The following CCR6 variants were observed in gnomAD, a reference collection of about 807,000 sequenced individuals.
The protein encoded by CCR6 is C-C chemokine receptor type 6.
In CCR6, 2 loss-of-function variants were observed where a neutral mutation model predicts 3.0. The ratio of observed to expected loss-of-function variants is 0.66; its 90% confidence interval spans 0.27 to 2.07. The LOEUF is 2.07. Ranked by LOEUF, CCR6 falls within the 30% of genes most tolerant of loss-of-function variation. CCR6 has a pLI of 0.14. For synonymous variants in CCR6, 193 were observed against 184.3 expected (o/e 1.05, Z -0.38); for missense variants, 322 against 462.8 (o/e 0.70, Z 2.79).
chr6:167,122,000 A>G (rs1303533082), upstream of CCR6, among the ~76,000 whole-genome samples: 7 of 152,162 alleles, frequency 4.6e-5, no homozygotes, highest in East Asian at 7.7e-4. Context: ...TGCTGTGTCT[A>G]GCTGGTTCCC....
rs745373623 is a variant in CCR6 at position 167,137,220 on chromosome 6, C to T, written c.990C>T (p.Ile330=). ...GQKFRNYFLK[I]LKDLWCVRRK... ...AGTTCAGAAACTACTTTCTGAAGAT[C>T]TTGAAGGACCTGTGGTGTGTGAGAA... is the stretch of plus-strand genomic sequence containing the variant. The change falls in exon 3 of 3, where the codon ATC becomes ATT. Residue 330 remains isoleucine (I), a synonymous_variant. Transcript: ENST00000341935. The surrounding 1 kb of genome is among the most constrained non-coding windows in gnomAD (Gnocchi z 4.6). The T allele has an allele frequency of 6.2e-7, 1 of 1,614,188 alleles. No homozygotes were observed. Among genetic ancestry groups the T allele is most frequent in the Non-Finnish European group, 8.5e-7 (1 of 1,180,030 alleles).
chr6:167,132,439 G>A (rs1781783222), intron 1 of CCR6, among the ~76,000 whole-genome samples: 1 of 152,162 alleles, frequency 6.6e-6, no homozygotes, highest in South Asian at 2.1e-4. Context: ...CCAACAAAGT[G>A]TGAGAGCCCC....
chr6:167,130,969 T>C (rs1322327810), intron 1 of CCR6, among the ~76,000 whole-genome samples: 3 of 96,600 alleles, frequency 3.1e-5, no homozygotes, highest in Non-Finnish European at 6.9e-5. Context: ...CTCCTCCCTC[T>C]GGGACCACCC....
At chr6:167,131,012 CTTCTGGGACCCCCATCCCTCTGGACCCCT>C in intron 1 of CCR6, among the ~76,000 whole-genome samples, 1 of 139,478 alleles carries the variant, frequency 7.2e-6, no homozygotes, top group East Asian at 2.2e-4. Context: ...GGGACCCCTC[CTTCTGGGACCCCCATCCCTCTGGACCCCT>C]TCTCTCTGGG....
intron 1 of CCR6, among the ~76,000 whole-genome samples, chr6:167,134,200 CA>C (rs1194000482): frequency 6.6e-6 from 1 of 152,032 alleles, no homozygotes; most frequent in African/African-American, 2.4e-5. Context: ...TTTAATGCAG[CA>C]GGGTGCCTTT....
upstream of CCR6, among the ~76,000 whole-genome samples, chr6:167,122,058 C>T (rs534247359): frequency 6.6e-6 from 1 of 152,106 alleles, no homozygotes; most frequent in Non-Finnish European, 1.5e-5. The surrounding 1 kb of genome is among the most constrained non-coding windows in gnomAD (Gnocchi z 4.2). Context: ...CTCACTCAGG[C>T]GTGAGGACGT....
intron 1 of CCR6, among the ~76,000 whole-genome samples, chr6:167,132,304 C>T (rs2114932602): frequency 6.7e-6 from 1 of 149,994 alleles, no homozygotes; most frequent in East Asian, 1.9e-4. Flanking sequence ...CAGTGTTAAT[C>T]CTCCCATGTC....
intron 1 of CCR6, chr6:167,114,982 A>G (rs1316980396): frequency 1.3e-5 from 2 of 152,278 alleles, no homozygotes; most frequent in Non-Finnish European, 2.9e-5. Context: ...TCTGGTAGAC[A>G]AACAGATGTT....
intron 1 of CCR6, among the ~76,000 whole-genome samples, chr6:167,112,890 G>A (rs971827101): frequency 4.6e-5 from 7 of 152,160 alleles, no homozygotes; most frequent in African/African-American, 1.7e-4. Context: ...ATGCTGCAAT[G>A]CATCAGAAGG....
At position 167,138,687 on chromosome 6, in the gene CCR6, T is replaced by C. The variant is rs1781887493; in HGVS notation, c.*1332T>C. The C allele has an allele frequency of 6.6e-6, 1 of 152,314 alleles. No homozygotes were observed. The highest frequency in any genetic ancestry group is 2.1e-4 in the South Asian group (1 of 4,834). 9.4% of individuals were successfully genotyped at this position (152,314 alleles called of 1,614,324 possible). On this transcript the variant is annotated 3_prime_UTR_variant, in exon 3 of 3. Coordinates refer to ENST00000341935, the MANE Select transcript of CCR6 (RefSeq NM_031409.4). The stretch of plus-strand genomic sequence containing the variant: ...GCTCACACCTGTAATCCCAGCATTT[T>C]GGGAAGCTAAGATGGGTGGATCACT...
intron 1 of CCR6, among the ~76,000 whole-genome samples, chr6:167,113,763 G>A (rs1397359320): frequency 6.6e-6 from 1 of 152,226 alleles, no homozygotes; most frequent in African/African-American, 2.4e-5. Flanking sequence ...GGACATTGCT[G>A]TGTTGCTGAG....
chr6:167,130,990 C>CT lies in CCR6; in HGVS notation c.-97-5048_-97-5047insT, dbSNP rs1562559664. Among the ~76,000 whole-genome samples, 5 of 109,358 alleles carry CT rather than the reference C, an allele frequency of 4.6e-5. No individual in the cohort carries two copies. In the East Asian group the frequency reaches 7.7e-4, roughly 17 times the overall value. 71.7% of individuals were successfully genotyped at this position (109,358 alleles called of 152,430 possible). ...CCTCTGGGACCACCCTCCCTCTGGACCCCCTCCCTTTGGGACCCCTCCTTC... is the reference window on the plus strand; with the variant it reads ...CCTCTGGGACCACCCTCCCTCTGGACTCCCCTCCCTTTGGGACCCCTCCTTC... On this transcript the variant is annotated intron_variant, in intron 1 of 2. Coordinates refer to ENST00000341935, the MANE Select transcript of CCR6 (RefSeq NM_031409.4).
At chr6:167,135,722 G>C (rs1198934666) in intron 1 of CCR6, among the ~76,000 whole-genome samples, 2 of 152,150 alleles carry the variant, frequency 1.3e-5, no homozygotes, top group African/African-American at 2.4e-5. Flanking sequence ...TAGATCAAGG[G>C]TTGGCAAATT....
chr6:167,136,516 G>C lies in CCR6; in HGVS notation c.286G>C (p.Val96Leu). 1.3e-6 allele frequency: 2 copies of C among 1,590,288 alleles called. No individual in the cohort carries two copies. Among genetic ancestry groups the C allele is most frequent in the African/African-American group, 1.3e-5 (1 of 74,560 alleles). The change falls in exon 3 of 3, where the codon GTT (valine) becomes CTT (leucine). Residue 96 changes from valine to leucine, a missense_variant. By Grantham distance (32) the Val-to-Leu change is conservative. Transcript: ENST00000341935. The surrounding 1 kb of genome is among the most constrained non-coding windows in gnomAD (Gnocchi z 4.6). The part of the protein sequence containing the change: ...LNMAIADILF[V>L]LTLPFWAVSH... Reference sequence around the variant, plus strand: ...CATGGCCATTGCAGACATCCTCTTTGTTCTTACTCTCCCATTCTGGGCAGT... The same window carrying C: ...CATGGCCATTGCAGACATCCTCTTTCTTCTTACTCTCCCATTCTGGGCAGT...
At chr6:167,123,975 TG>T (rs1781627833) in intron 1 of CCR6, among the ~76,000 whole-genome samples, 1 of 151,960 alleles carries the variant, frequency 6.6e-6, no homozygotes, top group Admixed American at 6.6e-5. Context: ...AGCCAGGCAT[TG>T]TGGCATGTGC....
At chr6:167,132,690 G>A (rs751753083) in intron 1 of CCR6, among the ~76,000 whole-genome samples, 5 of 152,130 alleles carry the variant, frequency 3.3e-5, no homozygotes, top group East Asian at 1.9e-4. Context: ...ACAGGAGCAC[G>A]CCATCACGCC....
At chr6:167,112,894 CAGA>C (rs1298880451) in intron 1 of CCR6, among the ~76,000 whole-genome samples, 1 of 152,092 alleles carries the variant, frequency 6.6e-6, no homozygotes, top group Non-Finnish European at 1.5e-5. Context: ...TGCAATGCAT[CAGA>C]AGGAGTTCTA....
At chr6:167,124,405 A>G (rs1260337095) in intron 1 of CCR6, among the ~76,000 whole-genome samples, 2 of 152,184 alleles carry the variant, frequency 1.3e-5, no homozygotes, top group East Asian at 3.8e-4. Context: ...TTTCAGCTCC[A>G]CTGATGCTTA....
At chr6:167,116,947 C>T (rs1348664899) in intron 1 of CCR6, 2 of 152,260 alleles carry the variant, frequency 1.3e-5, no homozygotes, top group Non-Finnish European at 2.9e-5. Flanking sequence ...GATAATGCTG[C>T]AGGAGATGAC....
Sources: gnomAD v4.1 joint callset for allele counts (sites outside exome capture counted in the v4.1 genomes callset) on GRCh38, gnomAD v4.1.1 for gene constraint, Gnocchi (gnomAD v3.1) non-coding constraint, MANE v1.5 for transcripts, NCBI Gene and HGNC (gene_info 2026-07-23, HGNC 2026-07-21) for gene names.